Variants in DLGAP5 observed in about 807,000 individuals in gnomAD.
DLGAP5 encodes disks large-associated protein 5.
Under a neutral mutation model 99.6 loss-of-function variants are expected in DLGAP5, and 90 were observed. That is an observed-to-expected ratio of 0.90 (90% CI 0.76 to 1.08). DLGAP5 has a LOEUF of 1.08. DLGAP5 is among the 50% of genes least tolerant of loss of function. The probability of loss-of-function intolerance (pLI) is 0.00; values close to 1 mark genes in which losing one functional copy is unlikely to be tolerated. For missense variants in DLGAP5, 1,036 were observed against 983.5 expected (o/e 1.05, Z -0.71); for synonymous variants, 311 against 321.3 (o/e 0.97, Z 0.34).
At chr14:55,186,489 T>C (rs988858998) in intron 2 of DLGAP5, among the ~76,000 whole-genome samples, 9 of 152,304 alleles carry the variant, frequency 5.9e-5, no homozygotes, top group African/African-American at 2.2e-4. Context: ...TTTAAATCTC[T>C]TCATCTAAAA....
intron 10 of DLGAP5, among the ~76,000 whole-genome samples, chr14:55,173,248 A>C (rs1882924370): frequency 1.4e-5 from 2 of 144,622 alleles, no homozygotes; most frequent in Admixed American, 1.4e-4. Context: ...CAGCTTGGGC[A>C]ATATCATAAG....
intron 12 of DLGAP5, among the ~76,000 whole-genome samples, chr14:55,168,561 G>A (rs553852521): frequency 9.4e-5 from 14 of 148,714 alleles, no homozygotes; most frequent in Admixed American, 3.3e-4. Flanking sequence ...AGTTCAAAAC[G>A]CTAGAGTCAT....
intron 10 of DLGAP5, among the ~76,000 whole-genome samples, chr14:55,172,788 C>T (rs960016488): frequency 6.6e-6 from 1 of 151,796 alleles, no homozygotes; most frequent in African/African-American, 2.4e-5. Flanking sequence ...TCGAGACCAG[C>T]TTGACCAACA....
Position 55,170,645 on chromosome 14 carries a change from T to C in DLGAP5, c.1387+57A>G. On this transcript the variant is annotated intron_variant, in intron 11 of 18. Coordinates refer to ENST00000247191, the MANE Select transcript of DLGAP5 (RefSeq NM_014750.5). Reference sequence around the variant, plus strand: ...CAATGCTATATTTTTATGTTTCAGATAAACGTAACCATAGTAAAAGAAACA... The same window carrying C: ...CAATGCTATATTTTTATGTTTCAGACAAACGTAACCATAGTAAAAGAAACA... 3.6e-6 allele frequency: 5 copies of C among 1,390,490 alleles called. No individual in the cohort carries two copies. The South Asian group carries it at 6.0e-5, about 17-fold the overall frequency. The allele number at this position is 1,390,490 out of a possible 1,614,324, so 86.1% of individuals were successfully genotyped here. A position where few individuals can be genotyped will look rare whatever the true frequency, so the allele number is the denominator to read the frequency against.
intron 10 of DLGAP5, among the ~76,000 whole-genome samples, 189 bp downstream of exon 10, chr14:55,175,157 C>T (rs1883015099): frequency 6.6e-6 from 1 of 152,134 alleles, no homozygotes; most frequent in South Asian, 2.1e-4. Context: ...CTCACTTGTA[C>T]CTTTTCCTAC....
intron 15 of DLGAP5, among the ~76,000 whole-genome samples, chr14:55,153,899 T>C (rs551204476): frequency 8.2e-4 from 125 of 151,844 alleles, no homozygotes; most frequent in Non-Finnish European, 1.6e-3. Flanking sequence ...CTACTAAAAA[T>C]ACAAAAATTA....
chr14:55,175,318 T>G, intron 10 of DLGAP5, 28 bp downstream of exon 10: 1 of 1,593,278 alleles, frequency 6.3e-7, no homozygotes, highest in African/African-American at 1.4e-5. Context: ...TAATACAAAA[T>G]TCTTACACTA....
At chr14:55,180,421 C>T (rs765449411) in intron 6 of DLGAP5, among the ~76,000 whole-genome samples, 11 of 152,124 alleles carry the variant, frequency 7.2e-5, no homozygotes, top group South Asian at 2.1e-4. Context: ...GTGATTTACT[C>T]GGACCATTAA....
intron 7 of DLGAP5, among the ~76,000 whole-genome samples, chr14:55,178,885 A>G (rs1217264418): frequency 6.6e-6 from 1 of 152,074 alleles, no homozygotes; most frequent in Non-Finnish European, 1.5e-5. Flanking sequence ...CGTCTCTACT[A>G]AAAATACAAA....
chr14:55,162,217 G>T (rs1882470726), intron 13 of DLGAP5, among the ~76,000 whole-genome samples: 1 of 152,146 alleles, frequency 6.6e-6, no homozygotes, highest in Admixed American at 6.5e-5. Flanking sequence ...CTGTTGTAAG[G>T]ATTAATATAT....
chr14:55,168,464 TTTTC>T (rs1882723497), intron 12 of DLGAP5, among the ~76,000 whole-genome samples: 1 of 152,206 alleles, frequency 6.6e-6, no homozygotes, highest in Non-Finnish European at 1.5e-5. Flanking sequence ...GCTTTGGCCT[TTTTC>T]TTTTAGGTTT....
chr14:55,161,675 G>C (rs1218809300), intron 13 of DLGAP5, among the ~76,000 whole-genome samples: 3 of 150,992 alleles, frequency 2.0e-5, no homozygotes, highest in Admixed American at 1.3e-4. Context: ...CGCCCAAAGT[G>C]CTGGGATTAT....
Position 55,175,109 on chromosome 14 carries a change from A to G in DLGAP5, c.1301+237T>C, listed in dbSNP as rs1490726204. Among the ~76,000 whole-genome samples, 30 of 152,252 alleles carry G rather than the reference A, an allele frequency of 2.0e-4. 2 individuals carry two copies. Among genetic ancestry groups the G allele is most frequent in the Admixed American group, 2.0e-3 (30 of 15,286 alleles). On this transcript the variant is annotated intron_variant, in intron 10 of 18. Coordinates refer to ENST00000247191, the MANE Select transcript of DLGAP5 (RefSeq NM_014750.5). ...AACACTTGCCTTCATGAAAGGTTCA[A>G]ACTATGTGGTTGGGTCACAGTGCTG...
At chr14:55,153,921 T>G (rs1238176406) in intron 15 of DLGAP5, among the ~76,000 whole-genome samples, 1 of 152,156 alleles carries the variant, frequency 6.6e-6, no homozygotes, top group South Asian at 2.1e-4. Flanking sequence ...CTGGGCGTGG[T>G]GGCGCGTGTC....
intron 17 of DLGAP5, among the ~76,000 whole-genome samples, chr14:55,151,424 A>G (rs959679493): frequency 6.6e-6 from 1 of 152,060 alleles, no homozygotes; most frequent in African/African-American, 2.4e-5. Context: ...GCGGTGGTAC[A>G]TGTGTAGGAG....
At chr14:55,168,539 A>G (rs1447332256) in intron 12 of DLGAP5, among the ~76,000 whole-genome samples, 1 of 151,042 alleles carries the variant, frequency 6.6e-6, no homozygotes, top group Non-Finnish European at 1.5e-5. Context: ...TTATATGCTT[A>G]TTTCTAAAAT....
At chr14:55,170,876 G>C (rs889267846) in intron 10 of DLGAP5, 89 bp from the exon 11 acceptor site, 1 of 919,174 alleles carries the variant, frequency 1.1e-6, no homozygotes, top group Non-Finnish European at 1.7e-6. Context: ...ATAACATTAG[G>C]AAGTTATAAA....
At position 55,176,009 on chromosome 14, in the gene DLGAP5, A is replaced by G; in HGVS notation, c.1059T>C (p.Ser353=). 1 of 1,604,964 alleles carries G rather than the reference A, an allele frequency of 6.2e-7. No homozygotes were observed. Among genetic ancestry groups the G allele is most frequent in the Non-Finnish European group, 8.5e-7 (1 of 1,174,910 alleles). Reference sequence around the variant, plus strand: ...GTGCCAAAATTTCTTTTGTTGCTTGAGACTCATCACTAAAAACAATAGCAA... The same window carrying G: ...GTGCCAAAATTTCTTTTGTTGCTTGGGACTCATCACTAAAAACAATAGCAA... ...WTPLKTEVDE[S]QATKEILAQK... The change falls in exon 9 of 19, where the codon TCT becomes TCC. Residue 353 remains serine (S), a synonymous_variant. Coordinates refer to ENST00000247191, the MANE Select transcript of DLGAP5 (RefSeq NM_014750.5).
At chr14:55,157,506 C>T (rs919872028) in intron 14 of DLGAP5, among the ~76,000 whole-genome samples, 1 of 152,122 alleles carries the variant, frequency 6.6e-6, no homozygotes, top group African/African-American at 2.4e-5. Context: ...TTTGAAAAAA[C>T]TTCCTGGTGG....
Sources: allele counts gnomAD v4.1 joint callset (sites outside exome capture counted in the v4.1 genomes callset), GRCh38; gene constraint gnomAD v4.1.1; transcripts MANE v1.5; gene names NCBI Gene and HGNC (gene_info 2026-07-23, HGNC 2026-07-21).